VPS13C: variants seen among roughly 807,000 people sequenced by gnomAD.
VPS13C encodes the protein intermembrane lipid transfer protein VPS13C.
In VPS13C, 358 loss-of-function variants were observed where a neutral mutation model predicts 456.8. The ratio of observed to expected loss-of-function variants is 0.78; its 90% confidence interval spans 0.72 to 0.86. VPS13C has a LOEUF of 0.86. VPS13C is among the 40% of genes least tolerant of loss of function. VPS13C has a pLI of 0.00. For missense variants in VPS13C, 4,818 were observed against 4,385.4 expected (o/e 1.10, Z -2.79); for synonymous variants, 1,578 against 1,486.7 (o/e 1.06, Z -1.41).
At chr15:61,937,509 C>T (rs1182672115) in intron 47 of VPS13C, among the ~76,000 whole-genome samples, 5 of 152,174 alleles carry the variant, frequency 3.3e-5, no homozygotes, top group African/African-American at 1.2e-4. Flanking sequence ...GAGTCTCGCT[C>T]TGTCGCCCAG....
At chr15:61,961,418 C>T (rs2045200839) in intron 35 of VPS13C, among the ~76,000 whole-genome samples, 171 bp downstream of exon 35, 1 of 150,192 alleles carries the variant, frequency 6.7e-6, no homozygotes, top group African/African-American at 2.5e-5. Flanking sequence ...CACACACACA[C>T]ACACACACAC....
At position 61,925,437 on chromosome 15, in the gene VPS13C, G is replaced by A; in HGVS notation, c.6609+19C>T. The A allele has an allele frequency of 2.1e-6, 3 of 1,421,778 alleles. No homozygotes were observed. The highest frequency in any genetic ancestry group is 2.5e-5 in the East Asian group (1 of 40,464). The allele number at this position is 1,421,778 out of a possible 1,614,324, so 88.1% of individuals were successfully genotyped here. ...AGAAAAATAAGAATTTTCACTCAAAGAATATGGTAAGTACTAACCTTAATT... is the reference window on the plus strand; with the variant it reads ...AGAAAAATAAGAATTTTCACTCAAAAAATATGGTAAGTACTAACCTTAATT... On this transcript the variant is annotated intron_variant, in intron 53 of 84. Coordinates refer to ENST00000644861, the MANE Select transcript of VPS13C (RefSeq NM_020821.3).
chr15:61,995,557 T>C (rs1162924156), intron 16 of VPS13C, among the ~76,000 whole-genome samples: 1 of 152,246 alleles, frequency 6.6e-6, no homozygotes, highest in Non-Finnish European at 1.5e-5. Context: ...AGTTTCTCTC[T>C]TCTTTTGAAG....
At chr15:61,954,720 T>C (rs1310021507) in intron 37 of VPS13C, among the ~76,000 whole-genome samples, 166 bp from the exon 38 acceptor site, 1 of 152,138 alleles carries the variant, frequency 6.6e-6, no homozygotes, top group African/African-American at 2.4e-5. Flanking sequence ...AAGAGACATA[T>C]ACATTTAAAA....
intron 66 of VPS13C, among the ~76,000 whole-genome samples, chr15:61,903,350 A>G (rs1197592106): frequency 6.6e-6 from 1 of 151,988 alleles, no homozygotes; most frequent in Non-Finnish European, 1.5e-5. Context: ...AAAAAAAATC[A>G]ACTGCATAGC....
intron 51 of VPS13C, among the ~76,000 whole-genome samples, chr15:61,929,282 T>C (rs1376103307): frequency 1.3e-5 from 2 of 152,210 alleles, no homozygotes; most frequent in East Asian, 3.9e-4. Context: ...CATGGCACAG[T>C]TGGAACCAGC....
intron 83 of VPS13C, 43 bp downstream of exon 83, chr15:61,856,243 A>G (rs758493721): frequency 4.4e-6 from 7 of 1,606,020 alleles, no homozygotes; most frequent in Non-Finnish European, 6.0e-6. Context: ...ACAGTCTAAA[A>G]GCAATGAACT....
intron 8 of VPS13C, among the ~76,000 whole-genome samples, chr15:62,021,738 A>G (rs191417193): frequency 2.6e-4 from 40 of 152,032 alleles, no homozygotes; most frequent in African/African-American, 8.9e-4. Flanking sequence ...CATCAGATAT[A>G]CAATGATTTG....
chr15:62,000,336 G>C (rs1361901648), intron 16 of VPS13C, among the ~76,000 whole-genome samples: 2 of 152,122 alleles, frequency 1.3e-5, no homozygotes, highest in Non-Finnish European at 2.9e-5. Context: ...CTGCATCCCA[G>C]CCCGGGAGAC....
At chr15:62,012,424 T>C (rs886641196) in intron 11 of VPS13C, among the ~76,000 whole-genome samples, 1 of 151,908 alleles carries the variant, frequency 6.6e-6, no homozygotes, top group African/African-American at 2.4e-5. Context: ...TCCGAAAAAA[T>C]GTACATATAT....
intron 16 of VPS13C, among the ~76,000 whole-genome samples, chr15:62,000,100 G>A (rs990318495): frequency 1.1e-4 from 16 of 152,000 alleles, no homozygotes; most frequent in Admixed American, 1.0e-3. Flanking sequence ...AGTGGCTCAC[G>A]CCTGTAATCC....
chr15:61,956,233 C>T (rs1235413606), intron 37 of VPS13C, among the ~76,000 whole-genome samples: 1 of 151,854 alleles, frequency 6.6e-6, no homozygotes, highest in African/African-American at 2.4e-5. Context: ...CAAGAGAAAA[C>T]CAAATACCAC....
chr15:61,991,139 C>G (rs950579683), intron 17 of VPS13C, 45 bp from the exon 18 acceptor site: 1 of 1,403,272 alleles, frequency 7.1e-7, no homozygotes, highest in Non-Finnish European at 9.9e-7. Flanking sequence ...TTCCATTTTA[C>G]AAATATAACT....
Position 61,867,857 on chromosome 15 carries a change from C to G in VPS13C, c.10863+802G>C. ...TAAAATTGACAATGGAATTCACACA[C>G]AGTCAATTAACACCACAGTTTGTTT... On this transcript the variant is annotated intron_variant, in intron 81 of 84. Transcript: ENST00000644861. This position sits in a 1 kb window ranked among gnomAD's most constrained non-coding sequence, Gnocchi z 5.0. 1 of 1,576,970 alleles carries G rather than the reference C, an allele frequency of 6.3e-7. No individual in the cohort carries two copies. The highest frequency in any genetic ancestry group is 8.6e-7 in the Non-Finnish European group (1 of 1,162,678).
At chr15:61,882,806 G>A in intron 68 of VPS13C, 70 bp from the exon 69 acceptor site, 1 of 1,412,900 alleles carries the variant, frequency 7.1e-7, no homozygotes. Flanking sequence ...TTTAATATCT[G>A]TTTATTGATC....
chr15:61,860,320 G>C (rs1329495382), intron 82 of VPS13C, among the ~76,000 whole-genome samples: 1 of 152,082 alleles, frequency 6.6e-6, no homozygotes, highest in African/African-American at 2.4e-5. Flanking sequence ...AAAAGTTTAA[G>C]TGATAAAACC....
intron 66 of VPS13C, among the ~76,000 whole-genome samples, chr15:61,904,174 C>T (rs560121954): frequency 1.3e-5 from 2 of 151,934 alleles, no homozygotes; most frequent in South Asian, 4.2e-4. Context: ...AGGAAATAAT[C>T]AACAAAGTAG....
In VPS13C at chr15:62,007,435, C is replaced by A. The variant is rs778037907; in HGVS notation, c.1163G>T (p.Arg388Met). Residue 388 changes from arginine to methionine, a missense_variant, in exon 15 of 85, where the codon AGG becomes ATG. Around this residue, in one of 3 missense-constraint regions of VPS13C, gnomAD observed 4,552 missense variants for 4,130.6 expected, o/e 1.10. Transcript: ENST00000644861. ...ACTCCATGACCACATCTGTGTATAC[C>A]TTCTTATATGAACTTCAAGAACAGA... ...IDSVLEVHIR[R>M]YTQMWSWSNI... is the part of the protein sequence containing the mutation. 1.2e-6 allele frequency: 2 copies of A among 1,604,254 alleles called. No homozygotes were observed. Among genetic ancestry groups the A allele is most frequent in the South Asian group, 2.3e-5 (2 of 87,846 alleles).
chr15:62,006,077 TG>T (rs2046830311), intron 15 of VPS13C, among the ~76,000 whole-genome samples: 1 of 145,086 alleles, frequency 6.9e-6, no homozygotes, highest in Non-Finnish European at 1.5e-5. Flanking sequence ...TTTTTGTTTT[TG>T]TTTTTTTTTA....
Sources: gnomAD v4.1 joint callset for allele counts (sites outside exome capture counted in the v4.1 genomes callset) on GRCh38, gnomAD v4.1.1 for gene constraint, gnomAD v4.1.1 regional missense constraint, Gnocchi (gnomAD v3.1) non-coding constraint, MANE v1.5 for transcripts, NCBI Gene and HGNC (gene_info 2026-07-23, HGNC 2026-07-21) for gene names.